Variants in DIS3L2 observed in about 807,000 individuals in gnomAD.
DIS3L2 encodes the protein DIS3 like 3'-5' exoribonuclease 2, also known as DIS3-like exonuclease 2.
In DIS3L2, 34 loss-of-function variants were observed where a neutral mutation model predicts 97.5. The observed-to-expected ratio is 0.35, with a 90% CI of 0.27 to 0.46. The LOEUF is 0.46. Among genes scored for constraint, DIS3L2 ranks in the 20% least tolerant of loss-of-function variants. DIS3L2 has a pLI of 1.00. For missense variants in DIS3L2, 1,038 were observed against 1,146.0 expected, an observed-to-expected ratio of 0.91 and a Z score of 1.36; for synonymous variants, 435 against 445.2, an observed-to-expected ratio of 0.98 and a Z score of 0.29.
At chr2:232,319,360 A>T (rs1362911813) in intron 14 of DIS3L2, among the ~76,000 whole-genome samples, 1 of 152,246 alleles carries the variant, frequency 6.6e-6, no homozygotes, top group Non-Finnish European at 1.5e-5. Flanking sequence ...CAGTACTTCC[A>T]CAACAGCCAA....
chr2:232,166,218 C>A (rs369656520), intron 9 of DIS3L2, among the ~76,000 whole-genome samples: 5 of 151,978 alleles, frequency 3.3e-5, no homozygotes, highest in African/African-American at 9.7e-5. Context: ...ATAATCATGC[C>A]GCTACACTCC....
intron 6 of DIS3L2, among the ~76,000 whole-genome samples, chr2:232,117,767 A>G (rs925413778): frequency 6.6e-6 from 1 of 152,172 alleles, no homozygotes; most frequent in Non-Finnish European, 1.5e-5. Flanking sequence ...CTTTTCTGAC[A>G]TGAATGCCAC....
chr2:232,118,744 T>A (rs796175813), intron 6 of DIS3L2, among the ~76,000 whole-genome samples: 35 of 152,354 alleles, frequency 2.3e-4, no homozygotes, highest in African/African-American at 7.9e-4. Context: ...CTCATTCATG[T>A]CTATGTAACC....
intron 14 of DIS3L2, among the ~76,000 whole-genome samples, chr2:232,321,833 G>T (rs1434256359): frequency 6.6e-6 from 1 of 152,148 alleles, no homozygotes. Flanking sequence ...GGCTTCCAAG[G>T]TGGCAACAGT....
intron 6 of DIS3L2, among the ~76,000 whole-genome samples, chr2:232,099,220 A>ATT (rs572085302): frequency 7.0e-6 from 1 of 143,172 alleles, no homozygotes. Context: ...TATTTTTTGT[A>ATT]TTTTTTTTTT....
At chr2:232,042,329 G>A (rs998111037) in intron 5 of DIS3L2, among the ~76,000 whole-genome samples, 2 of 151,486 alleles carry the variant, frequency 1.3e-5, no homozygotes, top group African/African-American at 4.9e-5. Flanking sequence ...TTCTTTAAAT[G>A]TGCACCCATC....
intron 9 of DIS3L2, among the ~76,000 whole-genome samples, chr2:232,202,412 GA>G (rs1358853686): frequency 1.3e-5 from 2 of 151,698 alleles, no homozygotes; most frequent in African/African-American, 2.4e-5. Context: ...CAAACAAACA[GA>G]AAAAAAACAT....
At chr2:232,023,535 G>A (rs1348245832) in intron 3 of DIS3L2, among the ~76,000 whole-genome samples, 1 of 152,124 alleles carries the variant, frequency 6.6e-6, no homozygotes, top group Non-Finnish European at 1.5e-5. Flanking sequence ...GACTACAGCT[G>A]GAACCTGGGG....
chr2:232,255,999 A>G (rs1693552841), intron 12 of DIS3L2, among the ~76,000 whole-genome samples: 1 of 152,204 alleles, frequency 6.6e-6, no homozygotes, highest in African/African-American at 2.4e-5. Flanking sequence ...ACCTTGACAG[A>G]TACAGTGGCC....
At chr2:232,280,159 G>A (rs931957217) in intron 13 of DIS3L2, among the ~76,000 whole-genome samples, 2 of 152,076 alleles carry the variant, frequency 1.3e-5, no homozygotes, top group African/African-American at 2.4e-5. Flanking sequence ...ATATTGCCCA[G>A]GCCTAGAAGT....
intron 6 of DIS3L2, among the ~76,000 whole-genome samples, chr2:232,115,853 T>C (rs1318511515): frequency 1.3e-5 from 2 of 152,138 alleles, no homozygotes; most frequent in Non-Finnish European, 2.9e-5. Flanking sequence ...AGGGAAGTTA[T>C]TTATAGCAGT....
chr2:232,217,749 C>T (rs1478335148), intron 10 of DIS3L2, among the ~76,000 whole-genome samples: 1 of 152,214 alleles, frequency 6.6e-6, no homozygotes, highest in African/African-American at 2.4e-5. Context: ...GGATGTGGAG[C>T]TTCCATGCCT....
At chr2:232,003,329 G>A (rs116717722) in intron 1 of DIS3L2, among the ~76,000 whole-genome samples, 1 of 152,048 alleles carries the variant, frequency 6.6e-6, no homozygotes, top group African/African-American at 2.4e-5. Flanking sequence ...TCAGTTTATT[G>A]TGTCATTTTG....
chr2:232,155,021 T>G (rs949346942), intron 8 of DIS3L2, among the ~76,000 whole-genome samples: 1 of 149,332 alleles, frequency 6.7e-6, no homozygotes, highest in Non-Finnish European at 1.5e-5. Flanking sequence ...CCTGACCCCT[T>G]GCGCTTCCCA....
intron 5 of DIS3L2, among the ~76,000 whole-genome samples, chr2:232,067,514 T>C (rs930513068): frequency 6.6e-6 from 1 of 152,204 alleles, no homozygotes; most frequent in African/African-American, 2.4e-5. Context: ...CTGCAAGATA[T>C]CAAGCTCTTG....
intron 5 of DIS3L2, among the ~76,000 whole-genome samples, chr2:232,078,184 C>T (rs1268602246): frequency 6.6e-6 from 1 of 151,920 alleles, no homozygotes; most frequent in East Asian, 1.9e-4. Flanking sequence ...GCTGGGACTA[C>T]AGGCGCGTGC....
intron 9 of DIS3L2, among the ~76,000 whole-genome samples, chr2:232,182,315 C>T (rs962199184): frequency 6.6e-6 from 1 of 152,010 alleles, no homozygotes; most frequent in South Asian, 2.1e-4. Context: ...TGATTTTAGT[C>T]CTTGTATATT....
At chr2:231,973,613 ACTC>A (rs1402033355) in intron 1 of DIS3L2, among the ~76,000 whole-genome samples, 1 of 151,816 alleles carries the variant, frequency 6.6e-6, no homozygotes, top group East Asian at 1.9e-4. Context: ...CTGGTTTTGA[ACTC>A]CTTCAGCTCA....
chr2:232,058,151 T>C (rs1226813812), intron 5 of DIS3L2, among the ~76,000 whole-genome samples: 2 of 152,244 alleles, frequency 1.3e-5, no homozygotes, highest in African/African-American at 4.8e-5. Flanking sequence ...CTCATTGACA[T>C]GTCACTTATA....
Sources: gnomAD v4.1 joint callset for allele counts (sites outside exome capture counted in the v4.1 genomes callset) on GRCh38, gnomAD v4.1.1 for gene constraint, MANE v1.5 for transcripts, NCBI Gene and HGNC (gene_info 2026-07-23, HGNC 2026-07-21) for gene names.